The following ABTB3 variants were observed in gnomAD, a reference collection of about 807,000 sequenced individuals.
The protein encoded by ABTB3 is ankyrin repeat- and BTB/POZ domain-containing protein 3.
At chr12:107,427,516 G>A in the ABTB3 span, among the ~76,000 whole-genome samples, 5 of 152,114 alleles carry the variant, frequency 3.3e-5, no homozygotes, top group Non-Finnish European at 4.4e-5. Context: ...AAAGTACTGA[G>A]ATCATGGGTG....
At chr12:107,534,522 G>C in the ABTB3 span, among the ~76,000 whole-genome samples, 1 of 152,076 alleles carries the variant, frequency 6.6e-6, no homozygotes, top group South Asian at 2.1e-4. Context: ...TTTTTGAAAA[G>C]ATAAACAAAA....
the ABTB3 span, among the ~76,000 whole-genome samples, chr12:107,521,023 G>A: frequency 6.6e-6 from 1 of 152,310 alleles, no homozygotes; most frequent in Admixed American, 6.5e-5. Flanking sequence ...ACAAAATCAT[G>A]TTTATCTGGG....
At chr12:107,642,286 A>G in the ABTB3 span, 3 of 910,176 alleles carry the variant, frequency 3.3e-6, no homozygotes, top group East Asian at 2.5e-5. Flanking sequence ...ATGAGCTGTC[A>G]GTCTCCTGAA....
At chr12:107,418,372 G>A in the ABTB3 span, among the ~76,000 whole-genome samples, 1 of 152,136 alleles carries the variant, frequency 6.6e-6, no homozygotes, top group Non-Finnish European at 1.5e-5. Context: ...TTGTGATTGT[G>A]TGAGTTGATA....
At chr12:107,516,384 C>T in the ABTB3 span, among the ~76,000 whole-genome samples, 1 of 152,022 alleles carries the variant, frequency 6.6e-6, no homozygotes, top group African/African-American at 2.4e-5. Context: ...GCACCCACCA[C>T]CACAGCCAGC....
chr12:107,381,936 C>G, the ABTB3 span, among the ~76,000 whole-genome samples: 1 of 152,170 alleles, frequency 6.6e-6, no homozygotes, highest in South Asian at 2.1e-4. Context: ...AATAACTACT[C>G]TATATGTGCA....
the ABTB3 span, chr12:107,544,003 C>T: frequency 5.0e-6 from 8 of 1,614,042 alleles, no homozygotes; most frequent in South Asian, 3.3e-5. Flanking sequence ...CAATGGCACC[C>T]CCCTGCACCA....
the ABTB3 span, chr12:107,319,486 G>A: frequency 1.9e-6 from 3 of 1,596,316 alleles, no homozygotes; most frequent in African/African-American, 1.3e-5. Flanking sequence ...CGGCGGCTGC[G>A]CTGGCCGCAC....
At chr12:107,505,189 A>G in the ABTB3 span, among the ~76,000 whole-genome samples, 9 of 152,188 alleles carry the variant, frequency 5.9e-5, no homozygotes, top group Non-Finnish European at 8.8e-5. Context: ...TAATGTGACT[A>G]CCTTCACCAT....
At chr12:107,487,122 C>T in the ABTB3 span, among the ~76,000 whole-genome samples, 1 of 152,124 alleles carries the variant, frequency 6.6e-6, no homozygotes, top group South Asian at 2.1e-4. Flanking sequence ...CCTTCCTCTC[C>T]CCACACCCTA....
At chr12:107,549,606 T>C in the ABTB3 span, among the ~76,000 whole-genome samples, 1 of 152,272 alleles carries the variant, frequency 6.6e-6, no homozygotes, top group African/African-American at 2.4e-5. Flanking sequence ...AGGCCCAGTA[T>C]GGGTAGAAGA....
the ABTB3 span, among the ~76,000 whole-genome samples, chr12:107,383,144 C>T: frequency 6.6e-6 from 1 of 152,226 alleles, no homozygotes; most frequent in South Asian, 2.1e-4. Flanking sequence ...CAGCAGCTTA[C>T]TTTGCAGCTC....
the ABTB3 span, among the ~76,000 whole-genome samples, chr12:107,607,024 G>A: frequency 6.6e-6 from 1 of 152,150 alleles, no homozygotes; most frequent in Admixed American, 6.5e-5. Context: ...GCCCACAGCT[G>A]CAGCAAGGGG....
At chr12:107,502,223 C>A in the ABTB3 span, among the ~76,000 whole-genome samples, 3 of 151,962 alleles carry the variant, frequency 2.0e-5, no homozygotes, top group Admixed American at 1.3e-4. Flanking sequence ...TGCCGCCTTG[C>A]CTGGCTAATT....
At chr12:107,652,853 C>A in the ABTB3 span, among the ~76,000 whole-genome samples, 5 of 152,122 alleles carry the variant, frequency 3.3e-5, no homozygotes, top group Non-Finnish European at 5.9e-5. Context: ...ATTAACAGTT[C>A]CAGCAGGAAA....
At chr12:107,524,015 C>G in the ABTB3 span, among the ~76,000 whole-genome samples, 1 of 152,206 alleles carries the variant, frequency 6.6e-6, no homozygotes, top group Non-Finnish European at 1.5e-5. Flanking sequence ...TTCTGGTGCT[C>G]TCTTCGAAGA....
the ABTB3 span, among the ~76,000 whole-genome samples, chr12:107,585,367 A>T: frequency 2.0e-5 from 3 of 152,204 alleles, no homozygotes; most frequent in East Asian, 5.8e-4. Context: ...AGAGTAATAG[A>T]ATGGGACTCA....
At chr12:107,505,055 G>A in the ABTB3 span, among the ~76,000 whole-genome samples, 1 of 152,196 alleles carries the variant, frequency 6.6e-6, no homozygotes, top group Non-Finnish European at 1.5e-5. Flanking sequence ...GTAACAGGAA[G>A]AGGCACAGCT....
chr12:107,385,749 C>G, the ABTB3 span, among the ~76,000 whole-genome samples: 3 of 152,166 alleles, frequency 2.0e-5, no homozygotes, highest in Non-Finnish European at 4.4e-5. Flanking sequence ...CGTGCACCCC[C>G]CCAAGCCCTG....
Sources: allele counts gnomAD v4.1 joint callset (sites outside exome capture counted in the v4.1 genomes callset), GRCh38; gene constraint gnomAD v4.1.1; transcripts MANE v1.5; gene names NCBI Gene and HGNC (gene_info 2026-07-23, HGNC 2026-07-21).